RIT2: variants seen among roughly 807,000 people sequenced by gnomAD.
RIT2 encodes Ras like without CAAX 2, also known as GTP-binding protein Rit2.
Under a neutral mutation model 23.7 loss-of-function variants are expected in RIT2, and 24 were observed. The ratio of observed to expected loss-of-function variants is 1.01; its 90% CI spans 0.73 to 1.43. The LOEUF (loss-of-function observed/expected upper bound fraction) is 1.43. Ranked by LOEUF, RIT2 falls within the 40% of genes most tolerant of loss-of-function variation. The probability of loss-of-function intolerance (pLI) is 0.00; values close to 1 mark genes in which losing one functional copy is unlikely to be tolerated. For synonymous variants in RIT2, 107 were observed against 91.1 expected, an observed-to-expected ratio of 1.17 and a Z score of -0.99; for missense variants, 236 against 266.9, an observed-to-expected ratio of 0.88 and a Z score of 0.81.
chr18:43,044,489 C>T (rs998339846), intron 1 of RIT2, among the ~76,000 whole-genome samples: 1 of 152,052 alleles, frequency 6.6e-6, no homozygotes, highest in Non-Finnish European at 1.5e-5. Flanking sequence ...AGGCTAATAC[C>T]AAACCTATAC....
chr18:43,067,650 C>T (rs1912801340), intron 1 of RIT2, among the ~76,000 whole-genome samples: 1 of 152,104 alleles, frequency 6.6e-6, no homozygotes, highest in Non-Finnish European at 1.5e-5. Context: ...GTTGTGGAGA[C>T]CAAAGTTTTA....
At chr18:43,098,188 C>A (rs953284511) in intron 1 of RIT2, among the ~76,000 whole-genome samples, 1 of 151,934 alleles carries the variant, frequency 6.6e-6, no homozygotes, top group African/African-American at 2.4e-5. Flanking sequence ...AGGTTTTCTG[C>A]ATGAGAAACT....
intron 2 of RIT2, among the ~76,000 whole-genome samples, chr18:43,003,489 G>A (rs1159865892): frequency 6.6e-6 from 1 of 151,612 alleles, no homozygotes; most frequent in African/African-American, 2.4e-5. Context: ...ATGAAGAATT[G>A]GTCTCATACA....
At chr18:42,854,816 T>C (rs190530774) in intron 4 of RIT2, among the ~76,000 whole-genome samples, 2 of 152,300 alleles carry the variant, frequency 1.3e-5, no homozygotes, top group East Asian at 3.9e-4. Context: ...AATCCAATAC[T>C]AGTATGACAT....
At chr18:43,066,745 AT>A (rs1389341672) in intron 1 of RIT2, among the ~76,000 whole-genome samples, 2 of 152,126 alleles carry the variant, frequency 1.3e-5, no homozygotes, top group African/African-American at 4.8e-5. Flanking sequence ...TAGGCTAAGC[AT>A]TAAGCAATGC....
intron 4 of RIT2, among the ~76,000 whole-genome samples, chr18:42,886,588 G>A (rs958637559): frequency 6.6e-6 from 1 of 152,264 alleles, no homozygotes; most frequent in Admixed American, 6.5e-5. Context: ...GAAGGTAACT[G>A]GGCACATAAG....
chr18:42,775,036 A>G (rs1223129735), intron 4 of RIT2, among the ~76,000 whole-genome samples: 1 of 152,198 alleles, frequency 6.6e-6, no homozygotes, highest in African/African-American at 2.4e-5. Flanking sequence ...GAAAAACTGA[A>G]CTTATGTGTT....
intron 1 of RIT2, among the ~76,000 whole-genome samples, chr18:43,050,009 G>A (rs1481014802): frequency 8.4e-5 from 6 of 71,718 alleles, no homozygotes; most frequent in South Asian, 5.2e-4. Flanking sequence ...TTTAATGAAC[G>A]AGACATACTC....
intron 2 of RIT2, among the ~76,000 whole-genome samples, chr18:42,983,542 C>T (rs919616302): frequency 1.3e-5 from 2 of 152,018 alleles, no homozygotes; most frequent in African/African-American, 4.8e-5. Context: ...CTATGAAAGA[C>T]TCCATTAACA....
intron 4 of RIT2, among the ~76,000 whole-genome samples, chr18:42,872,033 C>A (rs1202865391): frequency 2.0e-5 from 3 of 152,050 alleles, no homozygotes; most frequent in African/African-American, 7.2e-5. Flanking sequence ...AAGTGAATAT[C>A]CAGGGCCATC....
At chr18:42,969,586 A>G (rs915371929) in intron 3 of RIT2, among the ~76,000 whole-genome samples, 1 of 151,624 alleles carries the variant, frequency 6.6e-6, no homozygotes, top group Admixed American at 6.6e-5. Context: ...ACTGTTTCCC[A>G]TTGTTCCAGA....
chr18:43,044,041 C>T (rs551463957), intron 1 of RIT2, among the ~76,000 whole-genome samples: 20 of 152,122 alleles, frequency 1.3e-4, no homozygotes, highest in Admixed American at 9.8e-4. Flanking sequence ...CTGCTGAGCA[C>T]GGAGAATAAG....
intron 4 of RIT2, among the ~76,000 whole-genome samples, chr18:42,780,148 A>T (rs928425592): frequency 1.6e-5 from 2 of 126,330 alleles, no homozygotes; most frequent in African/African-American, 6.0e-5. Context: ...GTGTTGGGTT[A>T]CAGCTTGATT....
At chr18:42,758,668 T>C (rs571329800) in intron 4 of RIT2, among the ~76,000 whole-genome samples, 55 of 144,604 alleles carry the variant, frequency 3.8e-4, no homozygotes, top group African/African-American at 1.3e-3. Flanking sequence ...CATGTGCCAC[T>C]GCACCCGGCT....
At chr18:42,861,496 C>T (rs1351893738) in intron 4 of RIT2, among the ~76,000 whole-genome samples, 1 of 152,158 alleles carries the variant, frequency 6.6e-6, no homozygotes, top group Non-Finnish European at 1.5e-5. Flanking sequence ...CTCTCTAATC[C>T]ACATCTCTGT....
At chr18:42,899,881 C>T (rs772965040) in intron 4 of RIT2, among the ~76,000 whole-genome samples, 1 of 152,076 alleles carries the variant, frequency 6.6e-6, no homozygotes, top group Non-Finnish European at 1.5e-5. Context: ...GTTTAATTTA[C>T]ACATTTTTAA....
At chr18:42,761,903 T>G (rs1303300973) in intron 4 of RIT2, among the ~76,000 whole-genome samples, 1 of 152,176 alleles carries the variant, frequency 6.6e-6, no homozygotes, top group Non-Finnish European at 1.5e-5. Context: ...TCAGCAAAAG[T>G]ACCAGTTCCT....
At chr18:43,100,565 T>C (rs866611410) in intron 1 of RIT2, among the ~76,000 whole-genome samples, 2 of 152,062 alleles carry the variant, frequency 1.3e-5, no homozygotes, top group Admixed American at 6.6e-5. Context: ...GAAGGGCTAG[T>C]GCAAAACTAT....
intron 1 of RIT2, among the ~76,000 whole-genome samples, chr18:43,101,523 T>A (rs944126255): frequency 6.6e-6 from 1 of 152,202 alleles, no homozygotes; most frequent in Admixed American, 6.5e-5. Flanking sequence ...AGAAGCCCTG[T>A]GTCGTGCAAC....
Sources: allele counts gnomAD v4.1 joint callset (sites outside exome capture counted in the v4.1 genomes callset), GRCh38; gene constraint gnomAD v4.1.1; transcripts MANE v1.5; gene names NCBI Gene and HGNC (gene_info 2026-07-23, HGNC 2026-07-21).